SIPA1L3: variants seen among roughly 807,000 people sequenced by gnomAD.
The protein encoded by SIPA1L3 is signal induced proliferation associated 1 like 3, also known as signal-induced proliferation-associated 1-like protein 3.
SIPA1L3 carries 59 observed loss-of-function variants against 150.1 expected under a neutral mutation model. That is an observed-to-expected ratio of 0.39 (90% CI 0.32 to 0.49). The LOEUF is 0.49. Among genes scored for constraint, SIPA1L3 ranks in the 20% least tolerant of loss-of-function variants. The pLI, the probability that SIPA1L3 is intolerant of heterozygous loss-of-function variation, is 0.86. For synonymous variants in SIPA1L3, 1,070 were observed against 1,077.6 expected (o/e 0.99, Z 0.14); for missense variants, 2,211 against 2,489.5 (o/e 0.89, Z 2.38).
intron 16 of SIPA1L3, among the ~76,000 whole-genome samples, chr19:38,187,525 G>A (rs1600188311): frequency 6.6e-6 from 1 of 151,470 alleles, no homozygotes; most frequent in African/African-American, 2.4e-5. Flanking sequence ...AGTCCATCCT[G>A]GCTAACACGG....
At position 38,142,716 on chromosome 19, in the gene SIPA1L3, C is replaced by T. The variant is rs754605809; in HGVS notation, c.3533+6C>T. The T allele has an allele frequency of 6.2e-7, 1 of 1,611,258 alleles. No homozygotes were observed. The highest frequency in any genetic ancestry group is 1.3e-5 in the African/African-American group (1 of 74,988). On this transcript the variant is annotated splice_donor_region_variant and intron_variant, in intron 12 of 21. Coordinates refer to ENST00000222345, the MANE Select transcript of SIPA1L3 (RefSeq NM_015073.3). ...TACAAGCCATCCCCAGAAAGGTCAG[C>T]CTCCCTCAATTCTTTTCATGTTAAG...
intron 2 of SIPA1L3, among the ~76,000 whole-genome samples, chr19:38,030,101 G>T (rs1008069375): frequency 2.7e-5 from 4 of 150,808 alleles, no homozygotes; most frequent in Non-Finnish European, 5.9e-5. Flanking sequence ...TGATCCATCC[G>T]CCTCAGCCTC....
intron 20 of SIPA1L3, 58 bp downstream of exon 20, chr19:38,202,055 G>A (rs1217390763): frequency 6.5e-6 from 10 of 1,530,304 alleles, no homozygotes; most frequent in Non-Finnish European, 8.8e-6. Context: ...TGCAGTGGAA[G>A]AGGCTTACCC....
intron 15 of SIPA1L3, among the ~76,000 whole-genome samples, chr19:38,177,300 G>C (rs1247792570): frequency 1.3e-5 from 2 of 150,372 alleles, no homozygotes; most frequent in African/African-American, 4.9e-5. Context: ...AGCGGAGGTT[G>C]CAGTGAGCTG....
At chr19:37,913,660 T>C (rs2046393191) in intron 1 of SIPA1L3, among the ~76,000 whole-genome samples, 1 of 150,968 alleles carries the variant, frequency 6.6e-6, no homozygotes. Flanking sequence ...CCTTGTACAG[T>C]GCTGGGATTA....
intron 1 of SIPA1L3, among the ~76,000 whole-genome samples, chr19:38,009,845 C>T (rs748098149): frequency 8.5e-5 from 13 of 152,096 alleles, no homozygotes; most frequent in African/African-American, 2.9e-4. Flanking sequence ...TCTATGACGG[C>T]GTGATATGGA....
intron 2 of SIPA1L3, among the ~76,000 whole-genome samples, chr19:38,036,285 A>T (rs1198417943): frequency 6.6e-6 from 1 of 152,236 alleles, no homozygotes; most frequent in African/African-American, 2.4e-5. Context: ...TGTCAGCCCG[A>T]ATTAGCCCAG....
intron 1 of SIPA1L3, among the ~76,000 whole-genome samples, chr19:37,916,135 T>G (rs1184382700): frequency 1.3e-5 from 2 of 151,974 alleles, no homozygotes; most frequent in Non-Finnish European, 2.9e-5. Flanking sequence ...CAAATGACTG[T>G]CCTGCCTTAG....
chr19:37,972,002 T>G (rs1966952538), intron 1 of SIPA1L3, among the ~76,000 whole-genome samples: 1 of 152,210 alleles, frequency 6.6e-6, no homozygotes, highest in Non-Finnish European at 1.5e-5. Flanking sequence ...ACCTTTGGGT[T>G]GTTTCCACGT....
At chr19:38,134,072 C>T (rs1402515720) in intron 10 of SIPA1L3, among the ~76,000 whole-genome samples, 1 of 151,966 alleles carries the variant, frequency 6.6e-6, no homozygotes, top group Admixed American at 6.6e-5. Context: ...CAAGCTCCGC[C>T]TCCTGTGTTC....
At position 38,201,960 on chromosome 19, in the gene SIPA1L3, A is replaced by C; in HGVS notation, c.5083A>C (p.Arg1695=). 1 of 1,613,578 alleles carries C rather than the reference A, an allele frequency of 6.2e-7. No individual in the cohort carries two copies. Among genetic ancestry groups the C allele is most frequent in the Non-Finnish European group, 8.5e-7 (1 of 1,179,824 alleles). Residue 1695 remains arginine (R), a synonymous_variant, in exon 20 of 22, where the codon AGG becomes CGG. Coordinates refer to ENST00000222345, the MANE Select transcript of SIPA1L3 (RefSeq NM_015073.3). ...TGTCCACAGCCACCTGAGCCTGGAGAGGGGACCCCCGACCCCCAGGACCAC... is the reference window on the plus strand; with the variant it reads ...TGTCCACAGCCACCTGAGCCTGGAGCGGGGACCCCCGACCCCCAGGACCAC... ...SPVHSHLSLE[R]GPPTPRTTPT...
intron 5 of SIPA1L3, among the ~76,000 whole-genome samples, chr19:38,100,495 T>G (rs1021792836): frequency 4.6e-5 from 7 of 152,216 alleles, no homozygotes; most frequent in Non-Finnish European, 8.8e-5. Flanking sequence ...CAGCTCCCAG[T>G]CTGTTAGAAT....
intron 8 of SIPA1L3, among the ~76,000 whole-genome samples, chr19:38,117,647 G>A (rs920701251): frequency 9.2e-5 from 14 of 151,994 alleles, no homozygotes; most frequent in Non-Finnish European, 1.8e-4. Flanking sequence ...ATTACCTATG[G>A]GGTCCCTCCT....
intron 15 of SIPA1L3, among the ~76,000 whole-genome samples, chr19:38,180,021 A>G (rs545314599): frequency 1.3e-5 from 2 of 152,216 alleles, no homozygotes; most frequent in Admixed American, 6.5e-5. Context: ...TTGTATTTTT[A>G]GTAGAGATGG....
intron 4 of SIPA1L3, 121 bp from the exon 5 acceptor site, chr19:38,099,841 C>T (rs927445718): frequency 6.9e-6 from 6 of 865,534 alleles, no homozygotes; most frequent in Admixed American, 3.4e-5. Context: ...GCTTTCTGAC[C>T]TTAGAGCACA....
At chr19:38,195,662 G>GACTCCA in intron 18 of SIPA1L3, among the ~76,000 whole-genome samples, 1 of 152,108 alleles carries the variant, frequency 6.6e-6, no homozygotes, top group South Asian at 2.1e-4. Flanking sequence ...CACAGGCATA[G>GACTCCA]ACTCCACAGG....
intron 10 of SIPA1L3, among the ~76,000 whole-genome samples, chr19:38,140,235 C>T (rs888126983): frequency 3.3e-5 from 5 of 152,164 alleles, no homozygotes; most frequent in African/African-American, 1.2e-4. Flanking sequence ...GAGCATGGCT[C>T]GGGGACCCCT....
At chr19:37,960,304 T>C (rs1288759715) in intron 1 of SIPA1L3, among the ~76,000 whole-genome samples, 1 of 152,170 alleles carries the variant, frequency 6.6e-6, no homozygotes, top group African/African-American at 2.4e-5. Context: ...CAGGCTGGAG[T>C]GCACTGAACT....
At chr19:38,042,230 G>A (rs1240020261) in intron 2 of SIPA1L3, among the ~76,000 whole-genome samples, 1 of 152,094 alleles carries the variant, frequency 6.6e-6, no homozygotes, top group Non-Finnish European at 1.5e-5. Context: ...TTTGTGTATG[G>A]TATAAGATTT....
Sources: gnomAD v4.1 joint callset for allele counts (sites outside exome capture counted in the v4.1 genomes callset) on GRCh38, gnomAD v4.1.1 for gene constraint, MANE v1.5 for transcripts, NCBI Gene and HGNC (gene_info 2026-07-23, HGNC 2026-07-21) for gene names.